MRPL22: variants seen among roughly 807,000 people sequenced by gnomAD.
MRPL22 encodes mitochondrial ribosomal protein L22, also known as large ribosomal subunit protein uL22m.
MRPL22 carries 27 observed loss-of-function variants against 32.4 expected under a neutral mutation model. The observed-to-expected ratio is 0.83, with a 90% confidence interval of 0.61 to 1.15. The LOEUF (loss-of-function observed/expected upper bound fraction) is 1.15. MRPL22 is among the 50% of genes most tolerant of loss of function. The probability of loss-of-function intolerance (pLI) is 0.00; values close to 1 mark genes in which losing one functional copy is unlikely to be tolerated. For synonymous variants in MRPL22, 86 were observed against 87.3 expected, an observed-to-expected ratio of 0.99 and a Z score of 0.08; for missense variants, 239 against 260.2, an observed-to-expected ratio of 0.92 and a Z score of 0.56.
intron 6 of MRPL22, among the ~76,000 whole-genome samples, chr5:154,965,693 A>T (rs1000267219): frequency 6.6e-6 from 1 of 152,174 alleles, no homozygotes; most frequent in Non-Finnish European, 1.5e-5. Flanking sequence ...AAGTGCTGAG[A>T]TTACAGGTGT....
chr5:154,957,379 A>G (rs576885699), intron 5 of MRPL22, among the ~76,000 whole-genome samples, 167 bp downstream of exon 5: 2 of 152,312 alleles, frequency 1.3e-5, no homozygotes, highest in Admixed American at 6.5e-5. Context: ...AAATATGTGT[A>G]TACTTTAGGA....
intron 6 of MRPL22, among the ~76,000 whole-genome samples, chr5:154,963,665 A>G (rs979536820): frequency 2.6e-5 from 4 of 152,226 alleles, no homozygotes; most frequent in Non-Finnish European, 5.9e-5. Context: ...TTTTGGGGCA[A>G]TACAAAAAGG....
chr5:154,949,113 T>G (rs1764527620), intron 2 of MRPL22, among the ~76,000 whole-genome samples: 1 of 152,164 alleles, frequency 6.6e-6, no homozygotes, highest in Non-Finnish European at 1.5e-5. Context: ...GTTATCTGCT[T>G]GAGATCTGCA....
chr5:154,968,994 T>G lies in MRPL22; in HGVS notation c.*2097T>G, dbSNP rs781112461. 6.6e-6 allele frequency: 1 copy of G among 152,238 alleles called. No individual in the cohort carries two copies. The highest frequency in any genetic ancestry group is 1.9e-4 in the East Asian group (1 of 5,206). The allele number at this position is 152,238 out of a possible 1,614,324, so 9.4% of individuals were successfully genotyped here. ...TCAATGAATCTTTCCCATTGTGACA[T>G]CCGGCTAGTTTTCGTGGCTAAGAGT... On this transcript the variant is annotated 3_prime_UTR_variant, in exon 7 of 7. Coordinates refer to ENST00000523037, the MANE Select transcript of MRPL22 (RefSeq NM_014180.4).
At position 154,956,337 on chromosome 5, in the gene MRPL22, TTTTC is replaced by T. The variant is rs764011478; in HGVS notation, c.196-28_196-25del. 3.7e-4 allele frequency: 547 copies of T among 1,482,384 alleles called. 8 individuals are homozygous for T. In the Admixed American group the frequency reaches 9.1e-3, roughly 25 times the overall value. 91.8% of individuals were successfully genotyped at this position (1,482,384 alleles called of 1,614,324 possible). A position where few individuals can be genotyped will look rare whatever the true frequency, so the allele number is the denominator to read the frequency against. ...TCATTTTGTGGTAAACCTGCTAACA[TTTTC>T]TTTCTGTCCTTTTTTTTCCAATTTG... On this transcript the variant is annotated intron_variant, in intron 3 of 6. Coordinates refer to ENST00000523037, the MANE Select transcript of MRPL22 (RefSeq NM_014180.4).
chr5:154,943,099 A>G (rs899935976), intron 2 of MRPL22, among the ~76,000 whole-genome samples: 1 of 152,186 alleles, frequency 6.6e-6, no homozygotes, highest in Admixed American at 6.6e-5. Flanking sequence ...ATAACCATGT[A>G]AAATTTTAGC....
intron 3 of MRPL22, among the ~76,000 whole-genome samples, chr5:154,951,171 G>A (rs959268327): frequency 2.0e-5 from 3 of 152,164 alleles, no homozygotes; most frequent in Non-Finnish European, 4.4e-5. Context: ...TAAGCTAATA[G>A]TTTAAGACAT....
At position 154,956,432 on chromosome 5, in the gene MRPL22, A is replaced by G. The variant is rs1764631733; in HGVS notation, c.257A>G (p.Lys86Arg). 5.0e-6 allele frequency: 8 copies of G among 1,603,296 alleles called. No individual in the cohort carries two copies. Among genetic ancestry groups the G allele is most frequent in the African/African-American group, 1.3e-5 (1 of 74,668 alleles). Residue 86 changes from lysine (K) to arginine (R), a missense_variant, in exon 4 of 7, where the codon AAA (lysine) becomes AGA (arginine). Coordinates refer to ENST00000523037, the MANE Select transcript of MRPL22 (RefSeq NM_014180.4). ...AAAGACAAGATGTGGTATTTGGCAA[A>G]ATTGGTAAGCTGCAATGACTATTAC... ...YSKDKMWYLA[K>R]LIRGMSIDQA...
intron 2 of MRPL22, among the ~76,000 whole-genome samples, chr5:154,945,735 A>G (rs965248864): frequency 2.0e-5 from 3 of 152,220 alleles, no homozygotes; most frequent in African/African-American, 4.8e-5. Context: ...AATTAAAGAA[A>G]GTGTCTCAAG....
intron 6 of MRPL22, among the ~76,000 whole-genome samples, chr5:154,964,677 C>T (rs1231740803): frequency 6.6e-6 from 1 of 152,170 alleles, no homozygotes; most frequent in African/African-American, 2.4e-5. Context: ...GAAATCATGA[C>T]TGACAGTTAG....
rs76515316 is a variant in MRPL22 at position 154,960,472 on chromosome 5, G to A, written c.409+423G>A. 3.9e-5 allele frequency among the ~76,000 whole-genome samples: 6 copies of A among 152,202 alleles called. No homozygotes were observed. In the East Asian group the frequency reaches 1.2e-3, roughly 29 times the overall value. Reference sequence around the variant, plus strand: ...AGCCAGATGCCTAATCCATAAAGGTGTCCTGTAATTTAACCTTACAGTTAT... The same window carrying A: ...AGCCAGATGCCTAATCCATAAAGGTATCCTGTAATTTAACCTTACAGTTAT... On this transcript the variant is annotated intron_variant, in intron 6 of 6. Coordinates refer to ENST00000523037, the MANE Select transcript of MRPL22 (RefSeq NM_014180.4).
At position 154,953,756 on chromosome 5, in the gene MRPL22, G is replaced by A. The variant is rs915699320; in HGVS notation, c.196-2615G>A. Among the ~76,000 whole-genome samples, 26 of 145,002 alleles carry A rather than the reference G, an allele frequency of 1.8e-4. No homozygotes were observed. In the South Asian group the frequency reaches 3.9e-3, roughly 22 times the overall value. ...GGCTGGAGTGCAGTAGCATGATCTC[G>A]GCTCACTGCAGCCTCCACCTCCTGG... On this transcript the variant is annotated intron_variant, in intron 3 of 6. Transcript: ENST00000523037.
chr5:154,948,952 A>G (rs767402761), intron 2 of MRPL22, among the ~76,000 whole-genome samples: 1 of 152,152 alleles, frequency 6.6e-6, no homozygotes, highest in African/African-American at 2.4e-5. Context: ...ACCCACTACA[A>G]TTATTGTCCT....
At chr5:154,963,326 TTAATG>T (rs1288297871) in intron 6 of MRPL22, among the ~76,000 whole-genome samples, 7 of 152,240 alleles carry the variant, frequency 4.6e-5, no homozygotes, top group African/African-American at 1.4e-4. Flanking sequence ...TTGAGATATC[TTAATG>T]TATTCTTTCA....
chr5:154,964,928 T>G (rs1208659401), intron 6 of MRPL22, among the ~76,000 whole-genome samples: 1 of 152,172 alleles, frequency 6.6e-6, no homozygotes, highest in African/African-American at 2.4e-5. Flanking sequence ...ATTTGTAGGT[T>G]TCCTCTAGAC....
chr5:154,941,214 C>G lies in MRPL22; in HGVS notation c.29-3C>G. On this transcript the variant is annotated splice_region_variant and splice_polypyrimidine_tract_variant and intron_variant, in intron 1 of 6. Transcript: ENST00000523037. ...GAGTTGACGGCTTGTGTTGATGTTGCAGGTGCGTTATGGATACATAACCTG... is the reference window on the plus strand; with the variant it reads ...GAGTTGACGGCTTGTGTTGATGTTGGAGGTGCGTTATGGATACATAACCTG... 2 of 1,613,986 alleles carry G rather than the reference C, an allele frequency of 1.2e-6. No individual in the cohort carries two copies. The highest frequency in any genetic ancestry group is 1.3e-5 in the African/African-American group (1 of 75,018).
chr5:154,956,704 C>T (rs1367308916), intron 4 of MRPL22: 1 of 394,304 alleles, frequency 2.5e-6, no homozygotes, highest in Non-Finnish European at 4.5e-6. Context: ...AGGAAACCCA[C>T]CTATTTATCT....
intron 3 of MRPL22, among the ~76,000 whole-genome samples, chr5:154,953,669 C>T (rs1287710497): frequency 2.0e-5 from 3 of 149,174 alleles, no homozygotes; most frequent in African/African-American, 7.4e-5. Context: ...TCTCATAAAG[C>T]TCTAGTAAGA....
intron 3 of MRPL22, among the ~76,000 whole-genome samples, chr5:154,953,583 C>T (rs756694042): frequency 6.6e-6 from 1 of 151,706 alleles, no homozygotes; most frequent in Non-Finnish European, 1.5e-5. Context: ...CCCCAACAAC[C>T]GTTTCTATAT....
Sources: gnomAD v4.1 joint callset for allele counts (sites outside exome capture counted in the v4.1 genomes callset) on GRCh38, gnomAD v4.1.1 for gene constraint, MANE v1.5 for transcripts, NCBI Gene and HGNC (gene_info 2026-07-23, HGNC 2026-07-21) for gene names.